Variants in GRXCR2 observed in about 807,000 individuals in gnomAD.
The protein encoded by GRXCR2 is glutaredoxin and cysteine rich domain containing 2, also known as glutaredoxin domain-containing cysteine-rich protein 2.
In GRXCR2, 23 loss-of-function variants were observed where a neutral mutation model predicts 24.8. That is an observed-to-expected ratio of 0.93 (90% CI 0.67 to 1.32). The LOEUF (loss-of-function observed/expected upper bound fraction) is 1.32, where lower values mean the gene tolerates loss of function less well. Among genes scored for constraint, GRXCR2 ranks in the 40% most tolerant of loss-of-function variants. GRXCR2 has a pLI of 0.00. For missense variants in GRXCR2, 315 were observed against 303.4 expected (o/e 1.04, Z -0.28); for synonymous variants, 130 against 116.1 (o/e 1.12, Z -0.77).
At chr5:145,876,216 TACACAC>T (rs1216503434), upstream of GRXCR2, among the ~76,000 whole-genome samples, 6 of 133,910 alleles carry the variant, frequency 4.5e-5, no homozygotes, top group African/African-American at 1.7e-4. Flanking sequence ...TATATATATA[TACACAC>T]ACACACACAT....
intron 2 of GRXCR2, among the ~76,000 whole-genome samples, chr5:145,918,177 T>A (rs1036187891): frequency 6.6e-6 from 1 of 152,222 alleles, no homozygotes; most frequent in African/African-American, 2.4e-5. Context: ...AAGACCTCGT[T>A]ATTAGCCATG....
intron 2 of GRXCR2, among the ~76,000 whole-genome samples, chr5:145,922,823 C>T (rs532905095): frequency 6.6e-6 from 1 of 152,238 alleles, no homozygotes; most frequent in African/African-American, 2.4e-5. Context: ...CTAGGCCAAA[C>T]TCCCAGAACT....
At chr5:145,883,025 G>A (rs1756724537) in intron 2 of GRXCR2, among the ~76,000 whole-genome samples, 1 of 130,250 alleles carries the variant, frequency 7.7e-6, no homozygotes, top group Non-Finnish European at 1.6e-5. Flanking sequence ...CCTGTTGTGG[G>A]GTGGGGGGAG....
At chr5:145,897,748 A>G (rs1024096843) in intron 2 of GRXCR2, among the ~76,000 whole-genome samples, 3 of 152,170 alleles carry the variant, frequency 2.0e-5, no homozygotes, top group Admixed American at 6.6e-5. Context: ...CAAGGCAGAA[A>G]TCAAAAAATT....
At chr5:145,866,751 T>C (rs764090284) in intron 1 of GRXCR2, 23 bp from the exon 2 acceptor site, 1 of 1,496,108 alleles carries the variant, frequency 6.7e-7, no homozygotes, top group South Asian at 1.1e-5. Flanking sequence ...AGAATGAGCA[T>C]GGAAACTTTA....
At chr5:145,902,253 C>G (rs1459604964) in intron 2 of GRXCR2, among the ~76,000 whole-genome samples, 4 of 152,208 alleles carry the variant, frequency 2.6e-5, no homozygotes, top group Admixed American at 1.3e-4. Flanking sequence ...GCCACCATAC[C>G]TGTCTAATTT....
chr5:145,892,413 A>C (rs1459555630), intron 2 of GRXCR2, among the ~76,000 whole-genome samples: 1 of 152,236 alleles, frequency 6.6e-6, no homozygotes, highest in African/African-American at 2.4e-5. Context: ...GCTAACTAGA[A>C]TAACCAATGC....
chr5:145,858,948 G>A lies in GRXCR2; in HGVS notation c.*785C>T, dbSNP rs1756284463. On this transcript the variant is annotated 3_prime_UTR_variant, in exon 3 of 3. Transcript: ENST00000377976. ...ATGGCTAGGTTCTAGACTTAAAGTG[G>A]ATTTATTTATTTGGTAGTAATTCAG... is the stretch of plus-strand genomic sequence containing the variant. The A allele has an allele frequency of 6.6e-6, 1 of 152,070 alleles. No individual in the cohort carries two copies. Among genetic ancestry groups the A allele is most frequent in the Non-Finnish European group, 1.5e-5 (1 of 68,016 alleles). The allele number at this position is 152,070 out of a possible 1,614,324, so 9.4% of individuals were successfully genotyped here.
intron 2 of GRXCR2, among the ~76,000 whole-genome samples, chr5:145,864,590 G>A (rs2149908963): frequency 6.6e-6 from 1 of 152,140 alleles, no homozygotes; most frequent in South Asian, 2.1e-4. Context: ...CACCAGAGCT[G>A]GTGGTTTTAA....
At chr5:145,894,280 G>T (rs909167616) in intron 2 of GRXCR2, among the ~76,000 whole-genome samples, 1 of 152,080 alleles carries the variant, frequency 6.6e-6, no homozygotes, top group Non-Finnish European at 1.5e-5. Flanking sequence ...AAATAACTAA[G>T]ATCAGAGCAG....
At chr5:145,877,800 C>A (rs1175385699), upstream of GRXCR2, among the ~76,000 whole-genome samples, 1 of 152,220 alleles carries the variant, frequency 6.6e-6, no homozygotes, top group South Asian at 2.1e-4. Flanking sequence ...TAGGTGGGTG[C>A]CCCTCTGGGA....
chr5:145,907,055 G>T (rs1757099304), intron 2 of GRXCR2, among the ~76,000 whole-genome samples: 1 of 152,188 alleles, frequency 6.6e-6, no homozygotes, highest in Non-Finnish European at 1.5e-5. Flanking sequence ...CCGTGGAGCA[G>T]CAAGGAGGCC....
At position 145,894,458 on chromosome 5, in the gene GRXCR2, C is replaced by T. The variant is rs193022732; in HGVS notation, c.-69-27730G>A. 2.9e-3 allele frequency among the ~76,000 whole-genome samples: 446 copies of T among 152,316 alleles called. 2 individuals are homozygous for T. Among genetic ancestry groups the T allele is most frequent in the African/African-American group, 0.01 (436 of 41,566 alleles). ...AAAAATGATAAAGGGGATATCACCA[C>T]TGATCCCACAGAAATACAAACTACC... On this transcript the variant is annotated intron_variant, in intron 2 of 3. Coordinates refer to the GRXCR2 transcript ENST00000639411.
intron 2 of GRXCR2, among the ~76,000 whole-genome samples, chr5:145,928,345 C>T (rs1265286190): frequency 1.3e-5 from 2 of 152,146 alleles, no homozygotes; most frequent in Admixed American, 6.5e-5. Context: ...GTCAGTGTGG[C>T]GATTCCTCAG....
At chr5:145,928,195 A>G (rs573408958) in intron 2 of GRXCR2, among the ~76,000 whole-genome samples, 1,937 of 152,038 alleles carry the variant, frequency 0.013, 49 homozygotes, top group African/African-American at 0.044. Context: ...AATCAAAACC[A>G]CAATGAGATA....
At chr5:145,889,238 A>AAGAAAGAAAGAAAGAG (rs1201131471) in intron 2 of GRXCR2, among the ~76,000 whole-genome samples, 44 of 149,140 alleles carry the variant, frequency 3.0e-4, no homozygotes, top group Admixed American at 6.0e-4. Context: ...GAAAGAAAGA[A>AAGAAAGAAAGAAAGAG]AGAAAGAATT....
chr5:145,861,969 C>T (rs571474549), intron 2 of GRXCR2, among the ~76,000 whole-genome samples: 103 of 152,222 alleles, frequency 6.8e-4, no homozygotes, highest in African/African-American at 2.4e-3. Flanking sequence ...TGTACCCTTT[C>T]GTTAATATTT....
chr5:145,909,568 A>T (rs768213733), intron 2 of GRXCR2, among the ~76,000 whole-genome samples: 7 of 152,104 alleles, frequency 4.6e-5, no homozygotes, highest in Non-Finnish European at 8.8e-5. Context: ...CCTGTTTTAT[A>T]TTCTTTACAG....
At chr5:145,877,024 C>A (rs949377759), upstream of GRXCR2, among the ~76,000 whole-genome samples, 1 of 151,660 alleles carries the variant, frequency 6.6e-6, no homozygotes, top group Non-Finnish European at 1.5e-5. Flanking sequence ...CCAGTTTAAT[C>A]ATATTTTACT....
Sources: gnomAD v4.1 joint callset for allele counts (sites outside exome capture counted in the v4.1 genomes callset) on GRCh38, gnomAD v4.1.1 for gene constraint, MANE v1.5 for transcripts, NCBI Gene and HGNC (gene_info 2026-07-23, HGNC 2026-07-21) for gene names.